Variants in PRDM16 observed in about 807,000 individuals in gnomAD.
PRDM16 encodes the protein histone-lysine N-methyltransferase PRDM16.
A neutral mutation model predicts 110.6 loss-of-function variants in PRDM16; 23 were observed. That is an observed-to-expected ratio of 0.21 (90% confidence interval 0.15 to 0.29). The LOEUF (loss-of-function observed/expected upper bound fraction) is 0.29. Ranked by LOEUF, PRDM16 falls within the 10% of genes least tolerant of loss-of-function variation. PRDM16 has a pLI of 1.00. For missense variants in PRDM16, 1,615 were observed against 1,794.3 expected (o/e 0.90, Z 1.81); for synonymous variants, 799 against 781.8 (o/e 1.02, Z -0.37).
At chr1:3,109,144 A>C (rs1029111978) in intron 1 of PRDM16, among the ~76,000 whole-genome samples, 5 of 151,844 alleles carry the variant, frequency 3.3e-5, no homozygotes, top group African/African-American at 1.2e-4. Context: ...ATTTTGAAAA[A>C]CAGGTGTGTC....
rs188541830 is a variant in PRDM16 at position 3,351,186 on chromosome 1, C to T, written c.439-33966C>T. ...CACCTGCTTCCCACGGGGTCCACCC[C>T]GGCCCCTGGCCAGTGCCAGCTCTCA... On this transcript the variant is annotated intron_variant, in intron 3 of 16. Coordinates refer to ENST00000270722, the MANE Select transcript of PRDM16 (RefSeq NM_022114.4). 3.4e-3 allele frequency among the ~76,000 whole-genome samples: 522 copies of T among 152,274 alleles called. 5 individuals are homozygous for T. The highest frequency in any genetic ancestry group is 0.012 in the African/African-American group (486 of 41,558).
intron 8 of PRDM16, among the ~76,000 whole-genome samples, chr1:3,408,795 C>CATGT (rs1553175654): frequency 7.5e-6 from 1 of 133,252 alleles, no homozygotes; most frequent in Non-Finnish European, 1.6e-5. Context: ...TGAGCCGGTG[C>CATGT]GTGTGTGTGA....
At chr1:3,422,581 C>T (rs1638470476) in intron 12 of PRDM16, among the ~76,000 whole-genome samples, 2 of 152,222 alleles carry the variant, frequency 1.3e-5, no homozygotes, top group Admixed American at 1.3e-4. Flanking sequence ...GTCCCAGGGC[C>T]AGGCACCACC....
intron 2 of PRDM16, among the ~76,000 whole-genome samples, chr1:3,189,819 A>G (rs7545871): frequency 0.6 from 91,797 of 152,118 alleles, 30,104 homozygotes; most frequent in Non-Finnish European, 0.73. Flanking sequence ...CAGCCCCTGC[A>G]GGAACAGGGT....
At chr1:3,314,407 AG>A (rs1355490868) in intron 3 of PRDM16, among the ~76,000 whole-genome samples, 3 of 152,076 alleles carry the variant, frequency 2.0e-5, no homozygotes, top group Non-Finnish European at 4.4e-5. Context: ...GTAGCTAATG[AG>A]GTAGCAAAGA....
chr1:3,242,553 G>A (rs1398820582), intron 2 of PRDM16, among the ~76,000 whole-genome samples: 2 of 152,180 alleles, frequency 1.3e-5, no homozygotes, highest in Non-Finnish European at 1.5e-5. Flanking sequence ...GGCCCCGCAG[G>A]CAGGTCACAC....
intron 12 of PRDM16, among the ~76,000 whole-genome samples, chr1:3,421,810 C>T (rs1638436633): frequency 6.6e-6 from 1 of 152,240 alleles, no homozygotes; most frequent in Admixed American, 6.5e-5. Flanking sequence ...TCTGCATTTC[C>T]AAAGAAACCA....
chr1:3,075,567 A>G (rs1157686807), intron 1 of PRDM16, among the ~76,000 whole-genome samples: 1 of 152,296 alleles, frequency 6.6e-6, no homozygotes, highest in Non-Finnish European at 1.5e-5. Flanking sequence ...TAAGGAAAAA[A>G]ATATATTATG....
At chr1:3,267,335 G>A (rs1194671288) in intron 3 of PRDM16, among the ~76,000 whole-genome samples, 10 of 152,198 alleles carry the variant, frequency 6.6e-5, no homozygotes, top group Admixed American at 5.9e-4. Flanking sequence ...GTTGTAGCTC[G>A]TGTCGGAGCT....
chr1:3,075,489 C>T (rs1016415347), intron 1 of PRDM16, among the ~76,000 whole-genome samples: 3 of 152,262 alleles, frequency 2.0e-5, no homozygotes, highest in African/African-American at 7.2e-5. Flanking sequence ...CAGCTTTATA[C>T]AGCTTAAACA....
chr1:3,116,545 C>A (rs535587285), intron 1 of PRDM16, among the ~76,000 whole-genome samples: 1 of 152,312 alleles, frequency 6.6e-6, no homozygotes. Context: ...TGTCTTTCCC[C>A]GGCTGGGGCA....
intron 3 of PRDM16, among the ~76,000 whole-genome samples, chr1:3,294,775 G>T (rs1376003193): frequency 1.3e-5 from 2 of 152,198 alleles, no homozygotes; most frequent in African/African-American, 4.8e-5. Flanking sequence ...TGCTCATAAA[G>T]AATCAAACAC....
At position 3,415,995 on chromosome 1, in the gene PRDM16, G is replaced by A. The variant is rs1264428267; in HGVS notation, c.2691+1348G>A. 2.6e-5 allele frequency among the ~76,000 whole-genome samples: 4 copies of A among 152,214 alleles called. No homozygotes were observed. In the East Asian group the frequency reaches 7.7e-4, roughly 29 times the overall value. ...TCAGGGAGCAAGGCAGCTTCCATCT[G>A]CCCATCGCTCATCACTCGTTCTCAT... On this transcript the variant is annotated intron_variant, in intron 10 of 16. Coordinates refer to ENST00000270722, the MANE Select transcript of PRDM16 (RefSeq NM_022114.4).
chr1:3,341,816 T>C (rs557592962), intron 3 of PRDM16, among the ~76,000 whole-genome samples: 7 of 152,378 alleles, frequency 4.6e-5, no homozygotes, highest in African/African-American at 1.4e-4. Flanking sequence ...TGCAGCGCAC[T>C]GTGTGGCCAG....
rs376480607 is a variant in PRDM16, at chr1:3,114,216, C to T, written c.37+44920C>T. ...ACGCACACGCACGCACACACGCACA[C>T]GAACACACACGCACACACGCAGTGT... On this transcript the variant is annotated intron_variant, in intron 1 of 16. Transcript: ENST00000270722. 3.7e-3 allele frequency among the ~76,000 whole-genome samples: 467 copies of T among 126,782 alleles called. 1 individual carries two copies. The highest frequency in any genetic ancestry group is 6.1e-3 in the Non-Finnish European group (388 of 63,652). The allele number at this position is 126,782 out of a possible 152,430, so 83.2% of individuals were successfully genotyped here.
At chr1:3,401,117 T>C (rs1387677708) in intron 5 of PRDM16, among the ~76,000 whole-genome samples, 6 of 152,246 alleles carry the variant, frequency 3.9e-5, no homozygotes, top group East Asian at 1.9e-4. Context: ...CCAGGCCAAA[T>C]AGCAGCATCT....
intron 4 of PRDM16, among the ~76,000 whole-genome samples, chr1:3,393,409 G>A (rs1426717041): frequency 1.3e-5 from 2 of 152,188 alleles, no homozygotes; most frequent in Non-Finnish European, 2.9e-5. Context: ...GACTTAGCGC[G>A]GTCTGAGCAG....
chr1:3,401,709 G>A (rs1251148576), intron 5 of PRDM16, among the ~76,000 whole-genome samples: 1 of 152,142 alleles, frequency 6.6e-6, no homozygotes. Flanking sequence ...GAACATATAT[G>A]TATAATATGC....
In PRDM16 at chr1:3,430,940, T is replaced by TGGA. The variant is rs779426991; in HGVS notation, c.3363_3365dup (p.Glu1121dup). On this transcript the variant is annotated inframe_insertion, in exon 15 of 17. Coordinates refer to ENST00000270722, the MANE Select transcript of PRDM16 (RefSeq NM_022114.4). ...CTAGCCAGTGAGAAGCAGGAGGACG[T>TGGA]GGAGGAGGAGGACGACGATGACCTG... The TGGA allele has an allele frequency of 3.7e-6, 6 of 1,613,698 alleles. No individual in the cohort carries two copies. Among genetic ancestry groups the TGGA allele is most frequent in the Non-Finnish European group, 4.2e-6 (5 of 1,179,926 alleles).
Sources: allele counts gnomAD v4.1 joint callset (sites outside exome capture counted in the v4.1 genomes callset), GRCh38; gene constraint gnomAD v4.1.1; transcripts MANE v1.5; gene names NCBI Gene and HGNC (gene_info 2026-07-23, HGNC 2026-07-21).